Variants in NME9 observed in about 807,000 individuals in gnomAD.
NME9 encodes NME/NM23 family member 9.
In NME9, 48 loss-of-function variants were observed where a neutral mutation model predicts 44.4. The ratio of observed to expected loss-of-function variants is 1.08; its 90% confidence interval spans 0.86 to 1.37. The LOEUF (loss-of-function observed/expected upper bound fraction) is 1.37, where lower values mean the gene tolerates loss of function less well. Ranked by LOEUF, NME9 falls within the 40% of genes most tolerant of loss-of-function variation. The pLI, the probability that NME9 is intolerant of heterozygous loss-of-function variation, is 0.00. For missense variants in NME9, 325 were observed against 405.2 expected, an observed-to-expected ratio of 0.80 and a Z score of 1.70; for synonymous variants, 139 against 147.1, an observed-to-expected ratio of 0.94 and a Z score of 0.40.
intron 8 of NME9, among the ~76,000 whole-genome samples, chr3:138,284,260 G>A (rs2050196113): frequency 6.6e-6 from 1 of 152,198 alleles, no homozygotes; most frequent in Non-Finnish European, 1.5e-5. Context: ...TTTTGTTTGG[G>A]TGTGGTTACT....
At chr3:138,306,134 A>G in intron 7 of NME9, 38 bp from the exon 8 acceptor site, 5 of 1,416,530 alleles carry the variant, frequency 3.5e-6, no homozygotes, top group Non-Finnish European at 4.0e-6. Flanking sequence ...AGGGTAAATC[A>G]AGCCCAAATT....
At chr3:138,300,324 G>C (rs140950296), downstream of NME9, among the ~76,000 whole-genome samples, 62 of 152,344 alleles carry the variant, frequency 4.1e-4, 1 homozygote, top group Non-Finnish European at 6.6e-4. Flanking sequence ...TGAGCACAGA[G>C]TGTGTTGTGG....
At chr3:138,263,779 G>A (rs1169339882) in intron 8 of NME9, 6 of 1,613,852 alleles carry the variant, frequency 3.7e-6, no homozygotes, top group Non-Finnish European at 5.1e-6. Context: ...ATTGTGACTG[G>A]CTTGTCTGAG....
intron 8 of NME9, chr3:138,284,503 C>T (rs1381219195): frequency 1.2e-6 from 2 of 1,612,792 alleles, no homozygotes; most frequent in African/African-American, 2.7e-5. Context: ...TGATGATATC[C>T]TACAGAAAAT....
chr3:138,303,428 C>T, intron 10 of NME9, 79 bp downstream of exon 10: 3 of 1,139,082 alleles, frequency 2.6e-6, no homozygotes, highest in Non-Finnish European at 3.9e-6. Context: ...ATTATCAATC[C>T]CCCACACACT....
At chr3:138,300,564 G>A (rs1007268692), downstream of NME9, among the ~76,000 whole-genome samples, 1 of 152,198 alleles carries the variant, frequency 6.6e-6, no homozygotes, top group Non-Finnish European at 1.5e-5. Flanking sequence ...TTCCCAAGTG[G>A]TCATAATAGC....
intron 8 of NME9, among the ~76,000 whole-genome samples, chr3:138,274,931 C>T (rs2049133104): frequency 6.6e-6 from 1 of 152,218 alleles, no homozygotes; most frequent in African/African-American, 2.4e-5. Context: ...CTGCGACTCG[C>T]TGATAAAATA....
At chr3:138,307,186 GC>G (rs1443468947) in intron 6 of NME9, among the ~76,000 whole-genome samples, 1 of 152,244 alleles carries the variant, frequency 6.6e-6, no homozygotes, top group Non-Finnish European at 1.5e-5. Flanking sequence ...CAAGGTACCA[GC>G]CCTAGCTCAC....
chr3:138,322,439 A>G (rs1252863642), intron 2 of NME9, among the ~76,000 whole-genome samples: 1 of 151,998 alleles, frequency 6.6e-6, no homozygotes, highest in Non-Finnish European at 1.5e-5. Flanking sequence ...GAGAGGAAGC[A>G]AAACAGAGAA....
intron 6 of NME9, among the ~76,000 whole-genome samples, chr3:138,310,071 C>G (rs1453643015): frequency 6.6e-6 from 1 of 151,108 alleles, no homozygotes; most frequent in African/African-American, 2.4e-5. Flanking sequence ...ACAAGAAACC[C>G]ACTTTACCTA....
chr3:138,291,510 A>T (rs2050950377), intron 8 of NME9, among the ~76,000 whole-genome samples: 2 of 152,196 alleles, frequency 1.3e-5, no homozygotes, highest in Admixed American at 1.3e-4. Context: ...TATAATGGTG[A>T]ATAAAATTGA....
At chr3:138,314,066 T>A (rs968929346) in intron 6 of NME9, among the ~76,000 whole-genome samples, 4 of 152,176 alleles carry the variant, frequency 2.6e-5, no homozygotes, top group African/African-American at 9.7e-5. Context: ...AATTTGGATA[T>A]CCATAGCATA....
exon 9 of NME9, chr3:138,262,273 T>G: frequency 2.6e-6 from 1 of 381,250 alleles, no homozygotes; most frequent in Non-Finnish European, 4.7e-6. Context: ...GGACAGAGAG[T>G]GATTGTGCAT....
At position 138,326,853 on chromosome 3, in the gene NME9, C is replaced by T. The variant is rs2053818485; in HGVS notation, c.34-1923G>A. Among the ~76,000 whole-genome samples the T allele has an allele frequency of 2.6e-5, 4 of 151,678 alleles. No homozygotes were observed. In the East Asian group the frequency reaches 5.8e-4, roughly 22 times the overall value. ...ACTGCTAATCCTCTATTAAAAGTTCCTTTTTTGGCCGAACGTGGTTGCTCA... is the reference window on the plus strand; with the variant it reads ...ACTGCTAATCCTCTATTAAAAGTTCTTTTTTTGGCCGAACGTGGTTGCTCA... On this transcript the variant is annotated intron_variant, in intron 1 of 10. Coordinates refer to ENST00000333911, the MANE Select transcript of NME9 (RefSeq NM_001349018.2).
intron 5 of NME9, among the ~76,000 whole-genome samples, chr3:138,314,973 G>A (rs571117270): frequency 6.6e-6 from 1 of 152,262 alleles, no homozygotes; most frequent in South Asian, 2.1e-4. Context: ...CTCTACCTAC[G>A]GTATGTTGAT....
downstream of NME9, among the ~76,000 whole-genome samples, chr3:138,299,548 A>C (rs2051733527): frequency 6.6e-6 from 1 of 151,872 alleles, no homozygotes; most frequent in Admixed American, 6.6e-5. Flanking sequence ...ACTCTCGGGA[A>C]CCCCCTTACA....
chr3:138,329,828 C>T lies in NME9; in HGVS notation c.-493G>A. 1.0e-6 allele frequency: 1 copy of T among 986,172 alleles called. No individual in the cohort carries two copies. Among genetic ancestry groups the T allele is most frequent in the African/African-American group, 1.7e-5 (1 of 57,406 alleles). 61.1% of individuals were successfully genotyped at this position (986,172 alleles called of 1,614,324 possible). ...CCGGAGTCACCAACCGAGTCTGCCG[C>T]GACCTAGCCGCGGTCGTCATGGCAA... On this transcript the variant is annotated 5_prime_UTR_variant, in exon 1 of 11. Transcript: ENST00000333911.
chr3:138,326,821 T>C (rs1020280398), intron 1 of NME9, among the ~76,000 whole-genome samples: 2 of 151,788 alleles, frequency 1.3e-5, no homozygotes, highest in Non-Finnish European at 2.9e-5. Context: ...GCAAGAAACA[T>C]GTAACAACTG....
At chr3:138,324,609 A>G (rs1374636061) in intron 2 of NME9, 1 of 570,512 alleles carries the variant, frequency 1.8e-6, no homozygotes, top group Non-Finnish European at 3.3e-6. Context: ...AGTAATTAGA[A>G]GAGGTTTTCT....
Sources: allele counts gnomAD v4.1 joint callset (sites outside exome capture counted in the v4.1 genomes callset), GRCh38; gene constraint gnomAD v4.1.1; transcripts MANE v1.5; gene names NCBI Gene and HGNC (gene_info 2026-07-23, HGNC 2026-07-21).